Variants in CDH23 observed in about 807,000 individuals in gnomAD.
The protein encoded by CDH23 is cadherin related 23.
In CDH23, 189 loss-of-function variants were observed where a neutral mutation model predicts 317.1. The observed-to-expected ratio is 0.60, with a 90% confidence interval of 0.53 to 0.67. CDH23 has a LOEUF of 0.67. Ranked by LOEUF, CDH23 falls within the 30% of genes least tolerant of loss-of-function variation. CDH23 has a pLI of 0.00. For synonymous variants in CDH23, 1,839 were observed against 1,876.8 expected (o/e 0.98, Z 0.52); for missense variants, 4,401 against 4,592.4 (o/e 0.96, Z 1.20).
intron 6 of CDH23, among the ~76,000 whole-genome samples, chr10:71,563,912 C>G (rs1244239801): frequency 6.6e-6 from 1 of 152,080 alleles, no homozygotes; most frequent in African/African-American, 2.4e-5. Context: ...CCACGCCCAG[C>G]TAATTTTTGT....
chr10:71,527,341 C>T (rs1855099499), intron 6 of CDH23, among the ~76,000 whole-genome samples: 1 of 152,256 alleles, frequency 6.6e-6, no homozygotes, highest in Admixed American at 6.5e-5. Context: ...CAGCCACAGC[C>T]AGCGGGAGGC....
chr10:71,812,597 C>T lies in CDH23; in HGVS notation c.9498C>T (p.Pro3166=). 2 of 1,613,964 alleles carry T rather than the reference C, an allele frequency of 1.2e-6. No homozygotes were observed. Among genetic ancestry groups the T allele is most frequent in the South Asian group, 1.1e-5 (1 of 91,092 alleles). ...LSEIADLWNS[P]TRTHGTFGRE... Reference sequence around the variant, plus strand: ...AGATCGCCGACCTGTGGAACAGCCCCACGCGCACCCATGTGAGCCAGAGGC... The same window carrying T: ...AGATCGCCGACCTGTGGAACAGCCCTACGCGCACCCATGTGAGCCAGAGGC... Residue 3166 remains proline, a synonymous_variant, in exon 67 of 70, where the codon CCC becomes CCT. Transcript: ENST00000224721.
chr10:71,622,213 G>A (rs1451081301), intron 11 of CDH23, among the ~76,000 whole-genome samples: 3 of 152,070 alleles, frequency 2.0e-5, no homozygotes. Context: ...GTCCTATAAT[G>A]TATATATCCT....
At chr10:71,723,216 T>C (rs1866636454) in intron 28 of CDH23, among the ~76,000 whole-genome samples, 2 of 152,208 alleles carry the variant, frequency 1.3e-5, no homozygotes, top group South Asian at 2.1e-4. Context: ...GGGTCTAGCC[T>C]CTTCCTGCAC....
chr10:71,793,019 G>A (rs1263254275), intron 47 of CDH23, among the ~76,000 whole-genome samples, 163 bp from the exon 48 acceptor site: 1 of 151,742 alleles, frequency 6.6e-6, no homozygotes, highest in East Asian at 1.9e-4. Flanking sequence ...AAAATAACAT[G>A]CCATTTTCCT....
rs115872409 is a variant in CDH23 at position 71,787,898 on chromosome 10, G to T, written c.5821-1042G>T. Among the ~76,000 whole-genome samples, 550 of 152,346 alleles carry T rather than the reference G, an allele frequency of 3.6e-3. 2 individuals are homozygous for T. The highest frequency in any genetic ancestry group is 0.013 in the African/African-American group (533 of 41,582). ...TAACGATGTATTTCCCTTTGGGCAG[G>T]TACCCAGTAGAGGGGTATTGTGGGA... On this transcript the variant is annotated intron_variant, in intron 44 of 69. Coordinates refer to ENST00000224721, the MANE Select transcript of CDH23 (RefSeq NM_022124.6).
At chr10:71,732,666 A>C (rs909277829) in intron 32 of CDH23, 2 of 1,379,126 alleles carry the variant, frequency 1.5e-6, no homozygotes, top group Non-Finnish European at 1.9e-6. Flanking sequence ...CCCGAGATCA[A>C]TATCCCTGTA....
At chr10:71,773,257 A>G in intron 38 of CDH23, 1 of 1,336,872 alleles carries the variant, frequency 7.5e-7, no homozygotes, top group Admixed American at 2.2e-5. Flanking sequence ...ACGGTCACAC[A>G]GGCTGAGAGG....
chr10:71,789,974 G>A (rs1335088659), intron 45 of CDH23, among the ~76,000 whole-genome samples: 1 of 152,220 alleles, frequency 6.6e-6, no homozygotes, highest in Non-Finnish European at 1.5e-5. Context: ...GGGATGTCAG[G>A]GAGCCCCAGA....
intron 24 of CDH23, among the ~76,000 whole-genome samples, chr10:71,703,503 A>G (rs1215934676): frequency 6.6e-6 from 1 of 152,242 alleles, no homozygotes; most frequent in East Asian, 1.9e-4. Context: ...AGACACACGT[A>G]TGAAGCACCC....
chr10:71,560,100 T>C (rs1486954432), intron 6 of CDH23, among the ~76,000 whole-genome samples: 1 of 152,156 alleles, frequency 6.6e-6, no homozygotes, highest in Admixed American at 6.5e-5. Context: ...TTCTCCTCCA[T>C]CACTGCTCCC....
intron 30 of CDH23, among the ~76,000 whole-genome samples, chr10:71,727,631 A>G (rs943911593): frequency 6.6e-6 from 1 of 152,100 alleles, no homozygotes; most frequent in Admixed American, 6.5e-5. Flanking sequence ...GTCCCCTTAG[A>G]GACTGGGTGT....
chr10:71,645,759 G>T lies in CDH23; in HGVS notation c.1141-72G>T, dbSNP rs895477317. ...CTGGGCTCACTCTCCAGGAGCCTCT[G>T]CTCCTCCATTTGGGTCTAGGCTTTG... On this transcript the variant is annotated intron_variant, in intron 12 of 69. Coordinates refer to ENST00000224721, the MANE Select transcript of CDH23 (RefSeq NM_022124.6). 1.2e-5 allele frequency: 19 copies of T among 1,556,774 alleles called. No homozygotes were observed. In the Admixed American group the frequency reaches 3.3e-4, roughly 27 times the overall value.
chr10:71,800,663 G>T lies in CDH23; in HGVS notation c.7390G>T (p.Asp2464Tyr). The T allele has an allele frequency of 6.2e-7, 1 of 1,613,950 alleles. No homozygotes were observed. Among genetic ancestry groups the T allele is most frequent in the Non-Finnish European group, 8.5e-7 (1 of 1,179,880 alleles). The change falls in exon 53 of 70, where the codon GAC becomes TAC. Residue 2464 changes from aspartate (D) to tyrosine (Y), a missense_variant. By Grantham distance (160) the Asp-to-Tyr change is radical. Around this residue, in one of 3 missense-constraint regions of CDH23, gnomAD observed 189 missense variants for 250.9 expected, o/e 0.75. Coordinates refer to ENST00000224721, the MANE Select transcript of CDH23 (RefSeq NM_022124.6). Reference protein sequence around the residue: ...TGDIYVLSSLDREKKDHYILT... With the variant: ...TGDIYVLSSLYREKKDHYILT... ...TGACATCTATGTGCTGTCTTCTCTG[G>T]ACCGGGAGAAGAAGGACCACTATAT... is the stretch of plus-strand genomic sequence containing the variant.
chr10:71,645,504 G>T, intron 12 of CDH23: 3 of 483,018 alleles, frequency 6.2e-6, no homozygotes, highest in Admixed American at 2.4e-5. Context: ...CAGCTGGCCG[G>T]TCCCTCCGCA....
chr10:71,706,758 T>C, intron 25 of CDH23, 139 bp from the exon 26 acceptor site: 1 of 1,414,042 alleles, frequency 7.1e-7, no homozygotes, highest in Non-Finnish European at 9.5e-7. Context: ...CAGGAGGTGT[T>C]GACACAGATG....
chr10:71,555,630 G>A (rs980902514), intron 6 of CDH23, among the ~76,000 whole-genome samples: 2 of 152,184 alleles, frequency 1.3e-5, no homozygotes, highest in Admixed American at 1.3e-4. Context: ...GTCAGTGATG[G>A]CAGGTGGCAC....
chr10:71,405,773 T>C (rs892212393), intron 1 of CDH23, among the ~76,000 whole-genome samples: 34 of 152,190 alleles, frequency 2.2e-4, no homozygotes, highest in African/African-American at 7.9e-4. Context: ...AGAACATAAC[T>C]GGGTGGTGGG....
chr10:71,482,798 GT>G (rs2132118881), intron 3 of CDH23, among the ~76,000 whole-genome samples: 1 of 152,318 alleles, frequency 6.6e-6, no homozygotes, highest in East Asian at 1.9e-4. Flanking sequence ...GTGGTGTCAG[GT>G]GCCCGAGTTG....
Sources: gnomAD v4.1 joint callset for allele counts (sites outside exome capture counted in the v4.1 genomes callset) on GRCh38, gnomAD v4.1.1 for gene constraint, gnomAD v4.1.1 regional missense constraint, MANE v1.5 for transcripts, NCBI Gene and HGNC (gene_info 2026-07-23, HGNC 2026-07-21) for gene names.